VMP1: variants seen among roughly 807,000 people sequenced by gnomAD.
VMP1 encodes vacuole membrane protein 1.
In VMP1, 11 loss-of-function variants were observed where a neutral mutation model predicts 56.0. The observed-to-expected ratio is 0.20, with a 90% CI of 0.12 to 0.32. The LOEUF is 0.32. Ranked by LOEUF, VMP1 falls within the 10% of genes least tolerant of loss-of-function variation. The pLI is 1.00. For synonymous variants in VMP1, 149 were observed against 165.0 expected (o/e 0.90, Z 0.74); for missense variants, 296 against 490.3 (o/e 0.60, Z 3.74).
At position 59,767,698 on chromosome 17, in the gene VMP1, G is replaced by A. The variant is rs139604267; in HGVS notation, c.582+2560G>A. On this transcript the variant is annotated intron_variant, in intron 6 of 11. Transcript: ENST00000262291. The stretch of plus-strand genomic sequence containing the variant: ...TATATATTGTCTGTAGTGCTTATTA[G>A]GCCTGGCTTTACACATGCTTTAAAT... Among the ~76,000 whole-genome samples the A allele has an allele frequency of 9.6e-3, 1,456 of 152,086 alleles. 8 individuals carry two copies. Among genetic ancestry groups the A allele is most frequent in the Admixed American group, 0.014 (210 of 15,272 alleles).
chr17:59,720,864 T>C (rs755928672), intron 1 of VMP1, among the ~76,000 whole-genome samples: 14 of 151,986 alleles, frequency 9.2e-5, no homozygotes, highest in African/African-American at 1.5e-4. Context: ...TCCCAGCTAC[T>C]TGGGAGGCTG....
intron 1 of VMP1, among the ~76,000 whole-genome samples, chr17:59,728,433 CT>C (rs1366218953): frequency 9.9e-5 from 15 of 151,312 alleles, no homozygotes; most frequent in African/African-American, 3.4e-4. Context: ...ATATAACCCC[CT>C]AACTCATATA....
chr17:59,808,985 ATT>A, intron 8 of VMP1, 109 bp downstream of exon 8: 1 of 869,044 alleles, frequency 1.2e-6, no homozygotes, highest in Non-Finnish European at 1.7e-6. Flanking sequence ...TGGGTATGTA[ATT>A]TTGTGAATCA....
intron 10 of VMP1, among the ~76,000 whole-genome samples, chr17:59,831,612 A>ATTTTTTTTTTTTTTTTTTTTT (rs34016289): frequency 7.5e-6 from 1 of 132,916 alleles, no homozygotes; most frequent in Non-Finnish European, 1.6e-5. Context: ...TTTTGAATGG[A>ATTTTTTTTTTTTTTTTTTTTT]TTTTTTTTTT....
chr17:59,799,439 C>T (rs1474333503), intron 7 of VMP1, among the ~76,000 whole-genome samples: 1 of 152,142 alleles, frequency 6.6e-6, no homozygotes, highest in Admixed American at 6.6e-5. Context: ...AGTTACACAA[C>T]TCAGTTCTCA....
Position 59,765,218 on chromosome 17 carries a change from A to G in VMP1, c.582+80A>G, listed in dbSNP as rs1438520122. The stretch of plus-strand genomic sequence containing the variant: ...TGTGTACCTTATTGAAATGGAATCT[A>G]AACATATTCCTTGTCAGTAAATGAT... On this transcript the variant is annotated intron_variant, in intron 6 of 11. Coordinates refer to ENST00000262291, the MANE Select transcript of VMP1 (RefSeq NM_030938.5). 3 of 1,441,942 alleles carry G rather than the reference A, an allele frequency of 2.1e-6. No homozygotes were observed. The African/African-American group carries it at 4.3e-5, about 20-fold the overall frequency. 89.3% of individuals were successfully genotyped at this position (1,441,942 alleles called of 1,614,324 possible). A position where few individuals can be genotyped will look rare whatever the true frequency, so the allele number is the denominator to read the frequency against.
At chr17:59,826,450 ATT>A (rs982846290) in intron 10 of VMP1, among the ~76,000 whole-genome samples, 1 of 152,230 alleles carries the variant, frequency 6.6e-6, no homozygotes, top group Non-Finnish European at 1.5e-5. Context: ...ACACATTTTA[ATT>A]GTTTTGTAAA....
intron 1 of VMP1, 169 bp downstream of exon 1, chr17:59,707,917 C>G (rs1418864865): frequency 6.6e-6 from 1 of 152,254 alleles, no homozygotes; most frequent in African/African-American, 2.4e-5. Flanking sequence ...CTGGATGTCT[C>G]ACGCTGGCGG....
rs770795917 is a variant in VMP1 at position 59,817,760 on chromosome 17, G to T, written c.961G>T (p.Val321Leu). 3.1e-6 allele frequency: 5 copies of T among 1,607,776 alleles called. No individual in the cohort carries two copies. The African/African-American group carries it at 6.7e-5, about 22-fold the overall frequency. ...TFSKHIVEQM[V>L]AFIGAVPGIG... The stretch of plus-strand genomic sequence containing the variant: ...CAGCAAGCACATAGTGGAGCAAATG[G>T]TGGCTTTCATTGGGTAAGTAATTCT... The change falls in exon 10 of 12, where the codon GTG becomes TTG. Residue 321 changes from valine (V) to leucine (L), a missense_variant. Val to Leu is a conservative substitution (Grantham distance 32, BLOSUM62 1). Transcript: ENST00000262291.
intron 7 of VMP1, among the ~76,000 whole-genome samples, chr17:59,785,392 G>A (rs1176386554): frequency 2.6e-5 from 4 of 151,972 alleles, no homozygotes; most frequent in Non-Finnish European, 4.4e-5. Context: ...AGAATATCGG[G>A]GCCTGGCATG....
intron 7 of VMP1, among the ~76,000 whole-genome samples, chr17:59,797,663 G>A (rs1400488448): frequency 2.0e-5 from 3 of 152,214 alleles, no homozygotes; most frequent in Admixed American, 6.5e-5. Flanking sequence ...GATCACCTGA[G>A]GTCAGGAGTT....
At chr17:59,747,088 AAT>A (rs2035449703) in intron 5 of VMP1, among the ~76,000 whole-genome samples, 1 of 152,196 alleles carries the variant, frequency 6.6e-6, no homozygotes, top group African/African-American at 2.4e-5. Context: ...AGTCTGGATA[AAT>A]ATATGTGTGT....
chr17:59,766,970 C>T (rs367575155), intron 6 of VMP1, among the ~76,000 whole-genome samples: 110 of 152,086 alleles, frequency 7.2e-4, no homozygotes, highest in East Asian at 3.5e-3. Context: ...TTAGTAGAGA[C>T]GGGATTTCTC....
chr17:59,748,927 C>A (rs1353158228), intron 5 of VMP1, among the ~76,000 whole-genome samples: 1 of 144,444 alleles, frequency 6.9e-6, no homozygotes, highest in Non-Finnish European at 1.5e-5. Flanking sequence ...CTCACTCTGT[C>A]TTGAGTGGCT....
chr17:59,742,718 G>A (rs1210405661), intron 5 of VMP1, among the ~76,000 whole-genome samples: 2 of 152,014 alleles, frequency 1.3e-5, no homozygotes, highest in Non-Finnish European at 2.9e-5. Flanking sequence ...CAGTGGGCTG[G>A]CAAGCAAGTG....
At chr17:59,769,430 C>A (rs186891857) in intron 6 of VMP1, among the ~76,000 whole-genome samples, 3 of 152,080 alleles carry the variant, frequency 2.0e-5, no homozygotes, top group African/African-American at 7.2e-5. Context: ...TATAAAAGCA[C>A]CTTGCTGCAG....
chr17:59,823,563 CAT>C (rs934936228), intron 10 of VMP1, among the ~76,000 whole-genome samples: 111 of 151,586 alleles, frequency 7.3e-4, no homozygotes, highest in African/African-American at 2.6e-3. Context: ...TCCTGGCTAA[CAT>C]GGTGAAACCC....
chr17:59,752,865 G>C (rs1280023092), intron 5 of VMP1, among the ~76,000 whole-genome samples: 6 of 152,172 alleles, frequency 3.9e-5, no homozygotes, highest in African/African-American at 1.4e-4. Context: ...AAGTAACTAT[G>C]TAAGATGATA....
At chr17:59,739,919 C>CA (rs577284343) in intron 5 of VMP1, among the ~76,000 whole-genome samples, 5 of 149,990 alleles carry the variant, frequency 3.3e-5, no homozygotes, top group African/African-American at 7.4e-5. Flanking sequence ...ACTAAATATA[C>CA]AAAAAAAATC....
Sources: allele counts gnomAD v4.1 joint callset (sites outside exome capture counted in the v4.1 genomes callset), GRCh38; gene constraint gnomAD v4.1.1; transcripts MANE v1.5; gene names NCBI Gene and HGNC (gene_info 2026-07-23, HGNC 2026-07-21).